Variants in TECTB observed in about 807,000 individuals in gnomAD.
TECTB encodes the protein tectorin beta, also known as beta-tectorin.
TECTB carries 45 observed loss-of-function variants against 43.3 expected under a neutral mutation model. The ratio of observed to expected loss-of-function variants is 1.04; its 90% CI spans 0.82 to 1.33. The LOEUF is 1.33. TECTB is among the 40% of genes most tolerant of loss of function. The pLI is 0.00. For missense variants in TECTB, 399 were observed against 404.7 expected (o/e 0.99, Z 0.12); for synonymous variants, 169 against 156.7 (o/e 1.08, Z -0.59).
rs1256102932 is a variant in TECTB, at chr10:112,303,693, C to T, written c.*381C>T. 2 of 200,972 alleles carry T rather than the reference C, an allele frequency of 1.0e-5. No individual in the cohort carries two copies. The highest frequency in any genetic ancestry group is 2.1e-5 in the Non-Finnish European group (2 of 97,488). 12.4% of individuals were successfully genotyped at this position (200,972 alleles called of 1,614,324 possible). On this transcript the variant is annotated 3_prime_UTR_variant, in exon 11 of 11. Coordinates refer to ENST00000646139, the MANE Select transcript of TECTB (RefSeq NM_058222.3). ...ATGTAGGGTGCAACTACAAAGTCAA[C>T]ACTAAATGCACAACGCACATTAATA... is the stretch of plus-strand genomic sequence containing the variant.
intron 7 of TECTB, among the ~76,000 whole-genome samples, chr10:112,295,720 G>A (rs1047789003): frequency 5.9e-5 from 9 of 152,240 alleles, no homozygotes; most frequent in African/African-American, 2.2e-4. Context: ...TTGCTATCAG[G>A]CACTGGGAAC....
chr10:112,284,759 A>G, intron 3 of TECTB, 34 bp downstream of exon 3: 1 of 1,442,728 alleles, frequency 6.9e-7, no homozygotes, highest in East Asian at 2.6e-5. Flanking sequence ...GAGTTGTTTA[A>G]GGTAAGGCAA....
At chr10:112,284,226 T>A (rs1021892101) in intron 2 of TECTB, among the ~76,000 whole-genome samples, 29 of 152,336 alleles carry the variant, frequency 1.9e-4, no homozygotes, top group Non-Finnish European at 4.0e-4. Flanking sequence ...GATTTTAATA[T>A]ATATTTATGT....
intron 9 of TECTB, among the ~76,000 whole-genome samples, chr10:112,300,965 G>T (rs1848606447): frequency 3.9e-5 from 6 of 152,288 alleles, no homozygotes. Flanking sequence ...AAGGCGGGAA[G>T]CTGTAGCGGC....
Position 112,293,842 on chromosome 10 carries a change from G to A in TECTB, c.587+1G>A, listed in dbSNP as rs565572022. 5 of 1,613,838 alleles carry A rather than the reference G, an allele frequency of 3.1e-6. 1 individual carries two copies. In the South Asian group the frequency reaches 3.3e-5, roughly 11 times the overall value. On this transcript the variant is annotated splice_donor_variant, in intron 6 of 10. Transcript: ENST00000646139. LOFTEE classifies it high-confidence loss of function. Reference sequence around the variant, plus strand: ...TGGAAGCCAAAGGGTTAAGCATTAGGTAAGTACATTTCCTCCAAGTTTATA... The same window carrying A: ...TGGAAGCCAAAGGGTTAAGCATTAGATAAGTACATTTCCTCCAAGTTTATA...
chr10:112,287,815 T>A (rs1233730268), intron 5 of TECTB, among the ~76,000 whole-genome samples: 4 of 152,226 alleles, frequency 2.6e-5, no homozygotes, highest in African/African-American at 9.6e-5. Context: ...TCAAGGCCCT[T>A]TCAAGGCCTT....
At chr10:112,302,349 C>T (rs370688098) in intron 10 of TECTB, 20 of 509,968 alleles carry the variant, frequency 3.9e-5, no homozygotes, top group Middle Eastern at 4.9e-4. Flanking sequence ...GAAGGTAAAT[C>T]GGATGAAGCA....
chr10:112,283,482 T>C lies in TECTB; in HGVS notation c.-102T>C, dbSNP rs11195870. The C allele has an allele frequency of 0.063, 31,096 of 496,776 alleles. 1,099 individuals carry two copies. Among genetic ancestry groups the C allele is most frequent in the Middle Eastern group, 0.11 (206 of 1,870 alleles). The allele number at this position is 496,776 out of a possible 1,614,324, so 30.8% of individuals were successfully genotyped here. A position where few individuals can be genotyped will look rare whatever the true frequency, so the allele number is the denominator to read the frequency against. Reference sequence around the variant, plus strand: ...GGAACATGAACAACTCCATGTGTCATTGACGCTTCCAACGGTATGAGCCCC... The same window carrying C: ...GGAACATGAACAACTCCATGTGTCACTGACGCTTCCAACGGTATGAGCCCC... On this transcript the variant is annotated 5_prime_UTR_variant, in exon 1 of 11. Coordinates refer to ENST00000646139, the MANE Select transcript of TECTB (RefSeq NM_058222.3).
chr10:112,293,611 A>T, intron 5 of TECTB, 127 bp from the exon 6 acceptor site: 2 of 757,058 alleles, frequency 2.6e-6, no homozygotes, highest in Non-Finnish European at 4.5e-6. Flanking sequence ...GGATCACTCT[A>T]TGGTCTCACC....
intron 7 of TECTB, among the ~76,000 whole-genome samples, chr10:112,294,992 G>C (rs1345648029): frequency 6.6e-6 from 1 of 152,152 alleles, no homozygotes. Context: ...AAGGAAATAT[G>C]GATTCTCGCT....
At chr10:112,288,494 C>T (rs1848473087) in intron 5 of TECTB, among the ~76,000 whole-genome samples, 1 of 152,130 alleles carries the variant, frequency 6.6e-6, no homozygotes, top group Non-Finnish European at 1.5e-5. Flanking sequence ...GACAAACGGG[C>T]CTCAGCAAAG....
Position 112,294,133 on chromosome 10 carries a change from G to C in TECTB, c.671+72G>C, listed in dbSNP as rs1295748759. On this transcript the variant is annotated intron_variant, in intron 7 of 10. Coordinates refer to ENST00000646139, the MANE Select transcript of TECTB (RefSeq NM_058222.3). The stretch of plus-strand genomic sequence containing the variant: ...TTATCGGGCTACTTTGCTCTGGCTT[G>C]GGAAAGCTTGGGAGGAAGAGGTGAA... 10 of 1,388,924 alleles carry C rather than the reference G, an allele frequency of 7.2e-6. No homozygotes were observed. The East Asian group carries it at 2.3e-4, about 32-fold the overall frequency. The allele number at this position is 1,388,924 out of a possible 1,614,324, so 86.0% of individuals were successfully genotyped here.
At chr10:112,291,405 G>A (rs1235520098) in intron 5 of TECTB, among the ~76,000 whole-genome samples, 1 of 152,072 alleles carries the variant, frequency 6.6e-6, no homozygotes, top group East Asian at 1.9e-4. Context: ...CAACCCAAAG[G>A]AATATAAATC....
At chr10:112,287,629 G>A (rs1054045947) in intron 5 of TECTB, among the ~76,000 whole-genome samples, 1 of 152,184 alleles carries the variant, frequency 6.6e-6, no homozygotes, top group South Asian at 2.1e-4. Context: ...CTCAGAAGGC[G>A]AGAGCTGTAA....
intron 2 of TECTB, among the ~76,000 whole-genome samples, chr10:112,284,074 A>ATT (rs1182776100): frequency 6.6e-6 from 1 of 152,018 alleles, no homozygotes; most frequent in African/African-American, 2.4e-5. Context: ...CCCACATCCC[A>ATT]TTATATATAT....
chr10:112,286,696 G>A (rs1385557269), intron 5 of TECTB, among the ~76,000 whole-genome samples: 1 of 152,178 alleles, frequency 6.6e-6, no homozygotes, highest in Non-Finnish European at 1.5e-5. Context: ...GAGGCAGGCA[G>A]ATCATCTGAG....
At chr10:112,295,969 C>T (rs193085224) in intron 7 of TECTB, among the ~76,000 whole-genome samples, 25 of 152,312 alleles carry the variant, frequency 1.6e-4, no homozygotes, top group South Asian at 4.1e-4. Context: ...CAGAAGGACT[C>T]TGGGGAAACC....
chr10:112,284,750 A>G (rs753146616), intron 3 of TECTB, 25 bp downstream of exon 3: 14 of 1,488,182 alleles, frequency 9.4e-6, no homozygotes, highest in South Asian at 2.8e-5. Context: ...CACAGTGCAG[A>G]GTTGTTTAAG....
chr10:112,283,955 CCAAT>C, intron 2 of TECTB, 145 bp downstream of exon 2: 1 of 819,754 alleles, frequency 1.2e-6, no homozygotes, highest in Non-Finnish European at 1.8e-6. Context: ...CCCTCCAATA[CCAAT>C]CAGACTTTTC....
Sources: gnomAD v4.1 joint callset for allele counts (sites outside exome capture counted in the v4.1 genomes callset) on GRCh38, gnomAD v4.1.1 for gene constraint, MANE v1.5 for transcripts, NCBI Gene and HGNC (gene_info 2026-07-23, HGNC 2026-07-21) for gene names.